Variants in NALF1 observed in about 807,000 individuals in gnomAD.
The protein encoded by NALF1 is family with sequence similarity 155 member A.
NALF1 carries 3 observed loss-of-function variants against 48.4 expected under a neutral mutation model. The observed-to-expected ratio is 0.06, with a 90% confidence interval of 0.03 to 0.16. The LOEUF (loss-of-function observed/expected upper bound fraction) is 0.16, where lower values mean the gene tolerates loss of function less well. Among genes scored for constraint, NALF1 ranks in the 10% least tolerant of loss-of-function variants. The probability of loss-of-function intolerance (pLI) is 1.00; values close to 1 mark genes in which losing one functional copy is unlikely to be tolerated. For synonymous variants in NALF1, 262 were observed against 245.7 expected, an observed-to-expected ratio of 1.07 and a Z score of -0.62; for missense variants, 526 against 571.5, an observed-to-expected ratio of 0.92 and a Z score of 0.81.
intron 1 of NALF1, among the ~76,000 whole-genome samples, chr13:107,557,591 T>C (rs1416749903): frequency 1.3e-5 from 2 of 152,176 alleles, no homozygotes; most frequent in Non-Finnish European, 2.9e-5. Context: ...TCTGCTGCTC[T>C]GGAAAACTGA....
At chr13:107,174,490 G>A (rs1440775005) in intron 2 of NALF1, among the ~76,000 whole-genome samples, 1 of 151,778 alleles carries the variant, frequency 6.6e-6, no homozygotes, top group Non-Finnish European at 1.5e-5. Context: ...CCAGTAGCTG[G>A]AACTACAGGC....
chr13:107,749,319 C>T (rs550870112), intron 1 of NALF1, among the ~76,000 whole-genome samples: 6 of 151,954 alleles, frequency 3.9e-5, no homozygotes, highest in South Asian at 4.2e-4. Flanking sequence ...TGTGAAAATC[C>T]GCTGCCAAGT....
At chr13:107,839,857 T>C (rs1387250775) in intron 1 of NALF1, among the ~76,000 whole-genome samples, 1 of 152,146 alleles carries the variant, frequency 6.6e-6, no homozygotes, top group African/African-American at 2.4e-5. Flanking sequence ...ACTGGTGAAA[T>C]AGCATAGTCT....
At position 107,867,149 on chromosome 13, in the gene NALF1, T is replaced by C. The variant is rs1389931239; in HGVS notation, c.-553A>G. On this transcript the variant is annotated 5_prime_UTR_variant, in exon 1 of 3. Coordinates refer to ENST00000375915, the MANE Select transcript of NALF1 (RefSeq NM_001080396.3). This position sits in a 1 kb window ranked among gnomAD's most constrained non-coding sequence, Gnocchi z 4.4. ...CCTCCTCCTCCTCCTCCTCCTCTTC[T>C]TCTCCTCCTCTTCCTCCTCCTTCCT... Among the ~76,000 whole-genome samples the C allele has an allele frequency of 6.6e-6, 1 of 150,678 alleles. No homozygotes were observed. The highest frequency in any genetic ancestry group is 1.5e-5 in the Non-Finnish European group (1 of 67,578).
intron 1 of NALF1, among the ~76,000 whole-genome samples, chr13:107,597,690 T>C (rs1566408706): frequency 6.6e-6 from 1 of 152,122 alleles, no homozygotes; most frequent in East Asian, 1.9e-4. Flanking sequence ...TAAACGACAG[T>C]AGAAACTTAC....
chr13:107,406,887 C>A (rs1042381416), intron 1 of NALF1, among the ~76,000 whole-genome samples: 1 of 151,946 alleles, frequency 6.6e-6, no homozygotes, highest in Non-Finnish European at 1.5e-5. Flanking sequence ...GCTACAGTAA[C>A]CAAAACAGCA....
intron 1 of NALF1, among the ~76,000 whole-genome samples, chr13:107,406,112 G>C (rs1266890047): frequency 1.3e-5 from 2 of 151,868 alleles, no homozygotes; most frequent in African/African-American, 2.4e-5. Flanking sequence ...ACATCATTTA[G>C]GATACAACAA....
chr13:107,721,423 C>A (rs527563206), intron 1 of NALF1, among the ~76,000 whole-genome samples: 1 of 152,116 alleles, frequency 6.6e-6, no homozygotes. Context: ...AGAGTCAATA[C>A]CTACAGATGG....
At chr13:107,344,614 T>G (rs1882741054) in intron 1 of NALF1, among the ~76,000 whole-genome samples, 2 of 152,142 alleles carry the variant, frequency 1.3e-5, no homozygotes, top group South Asian at 4.1e-4. Context: ...AAAAAGCATT[T>G]GACAAAATCC....
intron 1 of NALF1, among the ~76,000 whole-genome samples, chr13:107,629,143 A>G (rs1033525326): frequency 2.6e-5 from 4 of 152,184 alleles, no homozygotes; most frequent in African/African-American, 9.6e-5. Flanking sequence ...CTGGACATAT[A>G]ATTGAAGGCC....
chr13:107,490,614 G>A (rs536018550), intron 1 of NALF1, among the ~76,000 whole-genome samples: 66 of 152,178 alleles, frequency 4.3e-4, no homozygotes, highest in African/African-American at 1.4e-3. Flanking sequence ...TAATGGGTAC[G>A]AGGCTTAATA....
At chr13:107,531,785 C>T (rs752569379) in intron 1 of NALF1, among the ~76,000 whole-genome samples, 5 of 151,864 alleles carry the variant, frequency 3.3e-5, no homozygotes, top group African/African-American at 7.3e-5. Context: ...TTTCCAGCTT[C>T]TCATTTGCAT....
intron 1 of NALF1, among the ~76,000 whole-genome samples, chr13:107,529,643 GCCAA>G (rs1411050514): frequency 3.9e-5 from 6 of 152,156 alleles, no homozygotes; most frequent in Admixed American, 6.5e-5. Flanking sequence ...CAGGACAGTA[GCCAA>G]CCATTCACCA....
chr13:107,392,094 C>T (rs933708597), intron 1 of NALF1, among the ~76,000 whole-genome samples: 2 of 152,114 alleles, frequency 1.3e-5, no homozygotes, highest in African/African-American at 4.8e-5. Flanking sequence ...GAAATTGTGA[C>T]TGCTCCCTGC....
At chr13:107,271,979 T>C (rs940290482) in intron 1 of NALF1, among the ~76,000 whole-genome samples, 2 of 151,512 alleles carry the variant, frequency 1.3e-5, no homozygotes, top group Non-Finnish European at 2.9e-5. Flanking sequence ...AGGACTCACA[T>C]TCAGGCGGGT....
chr13:107,567,217 C>T (rs994261223), intron 1 of NALF1, among the ~76,000 whole-genome samples: 1 of 152,158 alleles, frequency 6.6e-6, no homozygotes, highest in African/African-American at 2.4e-5. Context: ...GCTATATGTA[C>T]ACTATCTGTA....
chr13:107,790,446 T>A (rs1878197689), intron 1 of NALF1, among the ~76,000 whole-genome samples: 1 of 152,170 alleles, frequency 6.6e-6, no homozygotes, highest in South Asian at 2.1e-4. Context: ...CTATACATTG[T>A]CTAATTAATT....
intron 1 of NALF1, among the ~76,000 whole-genome samples, chr13:107,835,911 G>C (rs979838447): frequency 6.6e-6 from 1 of 152,174 alleles, no homozygotes; most frequent in African/African-American, 2.4e-5. Context: ...ATCATCAGGA[G>C]AACCAACAAA....
intron 1 of NALF1, among the ~76,000 whole-genome samples, chr13:107,217,701 C>T (rs549589356): frequency 6.6e-6 from 1 of 152,250 alleles, no homozygotes; most frequent in East Asian, 1.9e-4. Flanking sequence ...CACAGCTCTT[C>T]AATCACCACG....
Sources: gnomAD v4.1 joint callset for allele counts (sites outside exome capture counted in the v4.1 genomes callset) on GRCh38, gnomAD v4.1.1 for gene constraint, Gnocchi (gnomAD v3.1) non-coding constraint, MANE v1.5 for transcripts, NCBI Gene and HGNC (gene_info 2026-07-23, HGNC 2026-07-21) for gene names.